Variants in HLF observed in about 807,000 individuals in gnomAD.
HLF encodes HLF transcription factor, PAR bZIP family member.
HLF carries 3 observed loss-of-function variants against 22.6 expected under a neutral mutation model. The observed-to-expected ratio is 0.13, with a 90% confidence interval of 0.06 to 0.34. The LOEUF is 0.34. Ranked by LOEUF, HLF falls within the 10% of genes least tolerant of loss-of-function variation. HLF has a pLI of 1.00. For missense variants in HLF, 299 were observed against 389.2 expected (o/e 0.77, Z 1.95); for synonymous variants, 151 against 151.8 (o/e 0.99, Z 0.04).
chr17:55,281,216 A>G (rs2080952320), intron 2 of HLF, among the ~76,000 whole-genome samples: 1 of 152,214 alleles, frequency 6.6e-6, no homozygotes, highest in African/African-American at 2.4e-5. Flanking sequence ...TATCCCATCA[A>G]ATATCTCTGA....
At chr17:55,289,649 C>A (rs148256485) in intron 2 of HLF, among the ~76,000 whole-genome samples, 46 of 152,278 alleles carry the variant, frequency 3.0e-4, no homozygotes, top group African/African-American at 1.0e-3. Flanking sequence ...TTAAATGTGG[C>A]AAACATCCTT....
chr17:55,295,301 G>A (rs1030330684), intron 2 of HLF, among the ~76,000 whole-genome samples: 1 of 152,182 alleles, frequency 6.6e-6, no homozygotes, highest in Non-Finnish European at 1.5e-5. Context: ...GTTTTTCTTG[G>A]CTGATACTAA....
chr17:55,323,575 G>A lies in HLF; in HGVS notation c.*2696G>A, dbSNP rs759655974. On this transcript the variant is annotated 3_prime_UTR_variant, in exon 4 of 4. Coordinates refer to ENST00000226067, the MANE Select transcript of HLF (RefSeq NM_002126.5). The stretch of plus-strand genomic sequence containing the variant: ...AGGAGAGGTTTCAGAAACCTACCTC[G>A]TCTTACAAATTTAAACACTTTGGAG... The A allele has an allele frequency of 4.9e-5, 11 of 224,920 alleles. No homozygotes were observed. The highest frequency in any genetic ancestry group is 6.7e-5 in the African/African-American group (3 of 44,844). 13.9% of individuals were successfully genotyped at this position (224,920 alleles called of 1,614,324 possible). A position where few individuals can be genotyped will look rare whatever the true frequency, so the allele number is the denominator to read the frequency against.
chr17:55,265,627 G>C (rs758226796), intron 1 of HLF, 28 bp downstream of exon 1: 2 of 1,501,340 alleles, frequency 1.3e-6, no homozygotes, highest in East Asian at 2.4e-5. Flanking sequence ...CCCGCTCCGG[G>C]AAGGGACGAC....
At chr17:55,314,071 ACAT>A (rs1364938127) in intron 2 of HLF, among the ~76,000 whole-genome samples, 2 of 152,202 alleles carry the variant, frequency 1.3e-5, no homozygotes. Context: ...CAGCTGAACG[ACAT>A]CCTCTCATTT....
intron 2 of HLF, among the ~76,000 whole-genome samples, chr17:55,286,749 T>C (rs1354175311): frequency 6.6e-6 from 1 of 152,216 alleles, no homozygotes; most frequent in Admixed American, 6.5e-5. Flanking sequence ...CAGAGTCTTA[T>C]ATTTACTGCT....
intron 2 of HLF, among the ~76,000 whole-genome samples, chr17:55,276,433 G>A (rs2080904871): frequency 1.3e-5 from 2 of 152,144 alleles, no homozygotes; most frequent in South Asian, 4.2e-4. Flanking sequence ...TATAAATAAG[G>A]GAGCAGTATA....
chr17:55,265,531 C>A lies in HLF; in HGVS notation c.47C>A (p.Pro16Gln). The A allele has an allele frequency of 6.2e-7, 1 of 1,609,734 alleles. No individual in the cohort carries two copies. The highest frequency in any genetic ancestry group is 8.5e-7 in the Non-Finnish European group (1 of 1,178,028). ...CTCCCCCTGAATCCCACCTTTATCC[C>A]GCCTCCCTACGGCGTGCTCAGGTCC... ...RPLPLNPTFI[P>Q]PPYGVLRSLL... Residue 16 changes from proline to glutamine, a missense_variant, in exon 1 of 4, where the codon CCG becomes CAG. Coordinates refer to ENST00000226067, the MANE Select transcript of HLF (RefSeq NM_002126.5).
chr17:55,303,099 G>A (rs1291974640), intron 2 of HLF, among the ~76,000 whole-genome samples: 1 of 152,232 alleles, frequency 6.6e-6, no homozygotes, highest in Admixed American at 6.5e-5. Context: ...AAAGCTGGCA[G>A]CCTTGACCAC....
intron 2 of HLF, among the ~76,000 whole-genome samples, chr17:55,288,017 C>T (rs759220510): frequency 3.3e-5 from 5 of 152,188 alleles, no homozygotes; most frequent in South Asian, 2.1e-4. Flanking sequence ...GTATGATGCA[C>T]GCCTTTGGGC....
chr17:55,279,939 T>C (rs909127313), intron 2 of HLF, among the ~76,000 whole-genome samples: 3 of 151,544 alleles, frequency 2.0e-5, no homozygotes, highest in African/African-American at 7.4e-5. Context: ...AGAGAGGATG[T>C]CATCGGCCAA....
intron 2 of HLF, among the ~76,000 whole-genome samples, chr17:55,292,883 G>A (rs1407974262): frequency 6.6e-6 from 1 of 152,162 alleles, no homozygotes; most frequent in Non-Finnish European, 1.5e-5. Flanking sequence ...AGTGAAATAA[G>A]CCATTCACAG....
At chr17:55,283,593 T>C (rs2080974890) in intron 2 of HLF, 1 of 152,256 alleles carries the variant, frequency 6.6e-6, no homozygotes, top group African/African-American at 2.4e-5. Context: ...GGAGGCTTAT[T>C]CTGATTAGCT....
intron 2 of HLF, among the ~76,000 whole-genome samples, chr17:55,306,964 G>A (rs1006152797): frequency 2.0e-5 from 3 of 151,938 alleles, no homozygotes; most frequent in Non-Finnish European, 2.9e-5. Context: ...CTTTTGGATG[G>A]GAACCCTGTA....
At chr17:55,304,802 A>T (rs1390963996) in intron 2 of HLF, among the ~76,000 whole-genome samples, 1 of 152,208 alleles carries the variant, frequency 6.6e-6, no homozygotes, top group Non-Finnish European at 1.5e-5. Flanking sequence ...CAGCGCCCTG[A>T]GGTGGGCGTC....
chr17:55,274,830 A>G, intron 2 of HLF, among the ~76,000 whole-genome samples: 1 of 152,244 alleles, frequency 6.6e-6, no homozygotes, highest in Middle Eastern at 3.2e-3. Context: ...AGCTGCTGCA[A>G]GCAGCACCTT....
At chr17:55,270,655 T>C (rs2080843376) in intron 2 of HLF, among the ~76,000 whole-genome samples, 1 of 124,336 alleles carries the variant, frequency 8.0e-6, no homozygotes, top group Non-Finnish European at 1.7e-5. Flanking sequence ...TTTGGGTAAA[T>C]CTTTTTTTTT....
intron 2 of HLF, among the ~76,000 whole-genome samples, chr17:55,277,415 G>C (rs1164294058): frequency 2.0e-5 from 3 of 152,118 alleles, no homozygotes; most frequent in Non-Finnish European, 4.4e-5. Context: ...ACTTAGCCAA[G>C]TTTCTGGCTA....
chr17:55,305,795 C>T (rs1006874937), intron 2 of HLF, among the ~76,000 whole-genome samples: 1 of 152,192 alleles, frequency 6.6e-6, no homozygotes, highest in Non-Finnish European at 1.5e-5. Context: ...GCCTGGCTCT[C>T]CTTGGGGCAC....
Sources: gnomAD v4.1 joint callset for allele counts (sites outside exome capture counted in the v4.1 genomes callset) on GRCh38, gnomAD v4.1.1 for gene constraint, MANE v1.5 for transcripts, NCBI Gene and HGNC (gene_info 2026-07-23, HGNC 2026-07-21) for gene names.